The following CERS4 variants were observed in gnomAD, a reference collection of about 807,000 sequenced individuals.
CERS4 encodes ceramide synthase 4.
A neutral mutation model predicts 51.8 loss-of-function variants in CERS4; 65 were observed. The ratio of observed to expected loss-of-function variants is 1.26; its 90% CI spans 1.03 to 1.54. The LOEUF (loss-of-function observed/expected upper bound fraction) is 1.54, where lower values mean the gene tolerates loss of function less well. Ranked by LOEUF, CERS4 falls within the 40% of genes most tolerant of loss-of-function variation. The pLI is 0.00. For synonymous variants in CERS4, 228 were observed against 208.4 expected, an observed-to-expected ratio of 1.09 and a Z score of -0.81; for missense variants, 563 against 500.4, an observed-to-expected ratio of 1.13 and a Z score of -1.19.
intron 8 of CERS4, 56 bp from the exon 9 acceptor site, chr19:8,256,893 T>C (rs1050932338): frequency 7.4e-6 from 12 of 1,612,554 alleles, no homozygotes; most frequent in African/African-American, 1.3e-5. Flanking sequence ...GCCCATAGGG[T>C]GGGGGACCTT....
chr19:8,256,154 AAGG>A lies in CERS4; in HGVS notation c.469-79_469-77del, dbSNP rs910039749. 124 of 1,412,490 alleles carry A rather than the reference AAGG, an allele frequency of 8.8e-5. No individual in the cohort carries two copies. The African/African-American group carries it at 1.6e-3, about 18-fold the overall frequency. The allele number at this position is 1,412,490 out of a possible 1,614,324, so 87.5% of individuals were successfully genotyped here. ...GAAGGTAGCATCTATGTGACTGTGG[AAGG>A]AGAACCAAAGAGACCGCAGACCCAG... On this transcript the variant is annotated intron_variant, in intron 6 of 11. Coordinates refer to ENST00000251363, the MANE Select transcript of CERS4 (RefSeq NM_024552.3).
intron 3 of CERS4, among the ~76,000 whole-genome samples, chr19:8,252,177 C>T (rs1022659930): frequency 3.0e-4 from 46 of 151,724 alleles, no homozygotes; most frequent in African/African-American, 1.0e-3. Flanking sequence ...AAGACCAGCC[C>T]GACAAACGTG....
chr19:8,222,371 G>A (rs1414306261), intron 2 of CERS4, among the ~76,000 whole-genome samples: 2 of 151,748 alleles, frequency 1.3e-5, no homozygotes, highest in South Asian at 4.2e-4. Context: ...TAGAGATGGG[G>A]TTTCACCATG....
intron 3 of CERS4, among the ~76,000 whole-genome samples, chr19:8,253,253 G>A (rs1969182060): frequency 6.6e-6 from 1 of 152,214 alleles, no homozygotes; most frequent in Non-Finnish European, 1.5e-5. Context: ...CTGGGAGGAG[G>A]GGCTTGGAGC....
chr19:8,254,089 G>A (rs779178167), intron 3 of CERS4, among the ~76,000 whole-genome samples: 10 of 151,858 alleles, frequency 6.6e-5, no homozygotes, highest in African/African-American at 1.2e-4. Flanking sequence ...CTGGGAGGCC[G>A]AGGTGGGCAG....
intron 2 of CERS4, among the ~76,000 whole-genome samples, chr19:8,212,274 G>T (rs1252940377): frequency 6.6e-6 from 1 of 152,190 alleles, no homozygotes; most frequent in Admixed American, 6.6e-5. Context: ...ACCAGGCCAG[G>T]GGAGTAATGG....
chr19:8,213,983 C>T (rs979037106), intron 2 of CERS4, among the ~76,000 whole-genome samples: 4 of 151,886 alleles, frequency 2.6e-5, no homozygotes, highest in Non-Finnish European at 5.9e-5. Flanking sequence ...CAAAAACAAA[C>T]AAACAAAAAA....
intron 6 of CERS4, 89 bp downstream of exon 6, chr19:8,255,968 C>G: frequency 7.1e-7 from 1 of 1,405,556 alleles, no homozygotes; most frequent in Non-Finnish European, 1.0e-6. Flanking sequence ...GTGGTGCAGC[C>G]AGAGAGGAAA....
Position 8,221,032 on chromosome 19 carries a change from A to G in CERS4, c.-2+10170A>G, listed in dbSNP as rs1193076860. Among the ~76,000 whole-genome samples the G allele has an allele frequency of 2.6e-5, 4 of 151,012 alleles. No individual in the cohort carries two copies. In the East Asian group the frequency reaches 5.9e-4, roughly 22 times the overall value. ...AGTAGAGACGGGGTTTCACCCTGTT[A>G]GCCAGGATGGTCTCGATCTCCTGAC... On this transcript the variant is annotated intron_variant, in intron 2 of 11. Coordinates refer to ENST00000251363, the MANE Select transcript of CERS4 (RefSeq NM_024552.3).
chr19:8,240,931 A>T (rs993046084), intron 2 of CERS4, among the ~76,000 whole-genome samples: 1 of 151,734 alleles, frequency 6.6e-6, no homozygotes, highest in Admixed American at 6.6e-5. Flanking sequence ...AAGAAGGATT[A>T]TCAGTTTGGT....
rs1969282415 is a variant in CERS4, at chr19:8,254,732, C to CA, written c.291+118dup. The CA allele has an allele frequency of 4.8e-6, 4 of 825,340 alleles. No individual in the cohort carries two copies. The Admixed American group carries it at 8.4e-5, about 17-fold the overall frequency. 51.1% of individuals were successfully genotyped at this position (825,340 alleles called of 1,614,324 possible). A position where few individuals can be genotyped will look rare whatever the true frequency, so the allele number is the denominator to read the frequency against. ...GCCAAGGTGGCTGCAGGCACCCCTGCAATGCCCCTACTTTCCACTCTTCAT... is the reference window on the plus strand; with the variant it reads ...GCCAAGGTGGCTGCAGGCACCCCTGCAAATGCCCCTACTTTCCACTCTTCAT... On this transcript the variant is annotated intron_variant, in intron 4 of 11. Transcript: ENST00000251363.
rs756079863 is a variant in CERS4, at chr19:8,254,546, C to T, written c.221C>T (p.Thr74Ile). ...LSRWLGVRDQ[T>I]RRQVKPNATL... ...CGGTGGCTGGGTGTGAGGGATCAGA[C>T]CAGGAGGCAAGTGAAGCCCAACGCC... The change falls in exon 4 of 12, where the codon ACC becomes ATC. Residue 74 changes from threonine to isoleucine, a missense_variant. Physicochemically the swap from Thr to Ile is moderately conservative, Grantham distance 89. Transcript: ENST00000251363. The T allele has an allele frequency of 1.9e-6, 3 of 1,613,718 alleles. No homozygotes were observed. Among genetic ancestry groups the T allele is most frequent in the Middle Eastern group, 1.7e-4 (1 of 6,052 alleles).
chr19:8,255,211 C>T (rs1017809595), intron 4 of CERS4, among the ~76,000 whole-genome samples: 1 of 152,094 alleles, frequency 6.6e-6, no homozygotes, highest in East Asian at 1.9e-4. Context: ...AGACGTGACT[C>T]CCCCTTTACT....
intron 10 of CERS4, among the ~76,000 whole-genome samples, chr19:8,258,282 G>A (rs937050341): frequency 6.6e-6 from 1 of 152,206 alleles, no homozygotes; most frequent in Non-Finnish European, 1.5e-5. Context: ...TGAGTGTGCT[G>A]GTAACACAGC....
At chr19:8,231,703 C>T (rs2145209417) in intron 2 of CERS4, among the ~76,000 whole-genome samples, 1 of 151,984 alleles carries the variant, frequency 6.6e-6, no homozygotes, top group East Asian at 1.9e-4. Flanking sequence ...TGCCCGCCAC[C>T]ATGCCCGGCT....
chr19:8,253,597 T>G (rs1290017235), intron 3 of CERS4, among the ~76,000 whole-genome samples: 1 of 151,814 alleles, frequency 6.6e-6, no homozygotes, highest in African/African-American at 2.4e-5. Context: ...CCCAAATAGC[T>G]GGGGCTACAG....
chr19:8,225,726 G>A (rs1387464997), intron 2 of CERS4, among the ~76,000 whole-genome samples: 1 of 151,736 alleles, frequency 6.6e-6, no homozygotes, highest in Non-Finnish European at 1.5e-5. Flanking sequence ...ACCCGGCCGT[G>A]TTTTCTGATA....
At chr19:8,255,184 G>A (rs555474632) in intron 4 of CERS4, among the ~76,000 whole-genome samples, 2 of 152,094 alleles carry the variant, frequency 1.3e-5, no homozygotes, top group Non-Finnish European at 2.9e-5. Context: ...AGGCGACAGG[G>A]CAGCTTCCGC....
At chr19:8,258,680 T>G (rs1969521718) in intron 10 of CERS4, among the ~76,000 whole-genome samples, 1 of 146,408 alleles carries the variant, frequency 6.8e-6, no homozygotes, top group Non-Finnish European at 1.6e-5. Context: ...TTGTCTCTAT[T>G]AAAAATTAAA....
Sources: allele counts gnomAD v4.1 joint callset (sites outside exome capture counted in the v4.1 genomes callset), GRCh38; gene constraint gnomAD v4.1.1; transcripts MANE v1.5; gene names NCBI Gene and HGNC (gene_info 2026-07-23, HGNC 2026-07-21).